Variants in RRAGD observed in about 807,000 individuals in gnomAD.
RRAGD encodes the protein ras-related GTP-binding protein D.
In RRAGD, 12 loss-of-function variants were observed where a neutral mutation model predicts 35.5. The ratio of observed to expected loss-of-function variants is 0.34; its 90% CI spans 0.22 to 0.55. RRAGD has a LOEUF of 0.55. RRAGD is among the 20% of genes least tolerant of loss of function. The pLI, the probability that RRAGD is intolerant of heterozygous loss-of-function variation, is 0.91. For missense variants in RRAGD, 324 were observed against 490.1 expected (o/e 0.66, Z 3.20); for synonymous variants, 155 against 178.9 (o/e 0.87, Z 1.07).
chr6:89,368,082 T>C lies in RRAGD; in HGVS notation c.1177A>G (p.Asn393Asp). 1.9e-6 allele frequency: 3 copies of C among 1,613,800 alleles called. No homozygotes were observed. Among genetic ancestry groups the C allele is most frequent in the Non-Finnish European group, 2.5e-6 (3 of 1,179,876 alleles). ...TACAGCAGCACTCTAGGGGTCCCAT[T>C]AGGGGTGGCTCTCTTTTTCTTCTGC... ...RLQKKKRATPNGTPRVLL is the reference protein window; with the variant it reads ...RLQKKKRATPDGTPRVLL The change falls in exon 7 of 7, where the codon AAT (asparagine) becomes GAT (aspartate). Residue 393 changes from asparagine to aspartate, a missense_variant. Transcript: ENST00000369415.
chr6:89,397,924 A>G (rs1769371543), intron 1 of RRAGD, among the ~76,000 whole-genome samples: 1 of 152,262 alleles, frequency 6.6e-6, no homozygotes. Context: ...AGGTGGGTGG[A>G]TCACCTGAGG....
intron 6 of RRAGD, among the ~76,000 whole-genome samples, chr6:89,371,896 T>G (rs1181919203): frequency 6.6e-6 from 1 of 152,222 alleles, no homozygotes; most frequent in African/African-American, 2.4e-5. Context: ...TTAAATATAT[T>G]CATGGTCTTC....
At chr6:89,397,878 G>A (rs1769369417) in intron 1 of RRAGD, among the ~76,000 whole-genome samples, 1 of 152,208 alleles carries the variant, frequency 6.6e-6, no homozygotes, top group South Asian at 2.1e-4. Flanking sequence ...TGGGCACAGT[G>A]GCTCATACCT....
Position 89,368,432 on chromosome 6 carries a change from T to C in RRAGD, c.1052-225A>G, listed in dbSNP as rs190550573. On this transcript the variant is annotated intron_variant, in intron 6 of 6. Coordinates refer to ENST00000369415, the MANE Select transcript of RRAGD (RefSeq NM_021244.5). ...AAGGAAGATTTTTCCTGATGCAAGGTTGCAGAGCATAGACCATATTTTCAA... is the reference window on the plus strand; with the variant it reads ...AAGGAAGATTTTTCCTGATGCAAGGCTGCAGAGCATAGACCATATTTTCAA... Among the ~76,000 whole-genome samples the C allele has an allele frequency of 8.5e-4, 129 of 152,302 alleles. 1 individual carries two copies. In the Middle Eastern group the frequency reaches 0.01, roughly 12 times the overall value.
At chr6:89,402,038 A>ATTGTTTTTTTTTTTT (rs1769477014) in intron 1 of RRAGD, among the ~76,000 whole-genome samples, 1 of 78,440 alleles carries the variant, frequency 1.3e-5, no homozygotes, top group Non-Finnish European at 2.2e-5. Flanking sequence ...AATCCTAAGG[A>ATTGTTTTTTTTTTTT]TTTTTTTTTT....
chr6:89,402,917 C>G (rs1383013561), intron 1 of RRAGD, among the ~76,000 whole-genome samples: 1 of 152,180 alleles, frequency 6.6e-6, no homozygotes, highest in African/African-American at 2.4e-5. Context: ...CATTTACTGA[C>G]CACCTACATA....
chr6:89,389,732 A>C (rs1320426991), intron 1 of RRAGD, among the ~76,000 whole-genome samples: 3 of 152,158 alleles, frequency 2.0e-5, no homozygotes, highest in Non-Finnish European at 4.4e-5. Context: ...ATTTCACAGG[A>C]GTAAAGGAAG....
intron 1 of RRAGD, among the ~76,000 whole-genome samples, chr6:89,401,772 C>G (rs994592700): frequency 6.6e-6 from 1 of 152,172 alleles, no homozygotes; most frequent in Non-Finnish European, 1.5e-5. Flanking sequence ...CAGGCACTAT[C>G]ACTTCCTGGG....
chr6:89,378,098 G>A (rs935923598), intron 4 of RRAGD, among the ~76,000 whole-genome samples: 3 of 152,186 alleles, frequency 2.0e-5, no homozygotes, highest in African/African-American at 7.2e-5. Context: ...GAGGCCAGGA[G>A]TTCGAAACCA....
At chr6:89,408,078 C>T (rs562056130) in intron 1 of RRAGD, among the ~76,000 whole-genome samples, 30 of 152,146 alleles carry the variant, frequency 2.0e-4, no homozygotes, top group Non-Finnish European at 4.1e-4. Flanking sequence ...TGTTCCAACT[C>T]TTCTGTATTT....
chr6:89,397,840 GT>G (rs1333188947), intron 1 of RRAGD, among the ~76,000 whole-genome samples: 1 of 152,140 alleles, frequency 6.6e-6, no homozygotes, highest in Non-Finnish European at 1.5e-5. Flanking sequence ...CGTATCAGTG[GT>G]TACCTAAGAA....
At position 89,411,007 on chromosome 6, in the gene RRAGD, A is replaced by G. The variant is rs571736910; in HGVS notation, c.148+839T>C. 2.4e-3 allele frequency among the ~76,000 whole-genome samples: 372 copies of G among 152,328 alleles called. No homozygotes were observed. Among genetic ancestry groups the G allele is most frequent in the African/African-American group, 8.6e-3 (356 of 41,572 alleles). On this transcript the variant is annotated intron_variant, in intron 1 of 6. Coordinates refer to ENST00000369415, the MANE Select transcript of RRAGD (RefSeq NM_021244.5). The surrounding 1 kb of genome is among the most constrained non-coding windows in gnomAD (Gnocchi z 5.6). ...TGCTCGCTTCTGAGGGAAACTAAAA[A>G]AAGTTTAACCTCTCTGGAATACTAA... is the stretch of plus-strand genomic sequence containing the variant.
intron 1 of RRAGD, among the ~76,000 whole-genome samples, chr6:89,403,348 A>G (rs1049921208): frequency 2.0e-5 from 3 of 151,962 alleles, no homozygotes; most frequent in Admixed American, 1.3e-4. Flanking sequence ...AGGAGGCTGA[A>G]GCAGGAGAAT....
chr6:89,372,290 T>G, intron 6 of RRAGD, 147 bp downstream of exon 6: 1 of 882,046 alleles, frequency 1.1e-6, no homozygotes, highest in Non-Finnish European at 1.7e-6. Context: ...CCCGCCCCGC[T>G]CTGAACTCCA....
At chr6:89,372,284 C>A (rs1435916532) in intron 6 of RRAGD, among the ~76,000 whole-genome samples, 153 bp downstream of exon 6, 1 of 152,258 alleles carries the variant, frequency 6.6e-6, no homozygotes, top group Non-Finnish European at 1.5e-5. Flanking sequence ...CAGGAGCCCG[C>A]CCCGCTCTGA....
intron 1 of RRAGD, among the ~76,000 whole-genome samples, chr6:89,401,349 C>T (rs760526083): frequency 1.1e-4 from 17 of 151,998 alleles, no homozygotes; most frequent in Non-Finnish European, 1.6e-4. Context: ...CCTCTTCCTC[C>T]CAGGTTCGAG....
chr6:89,377,560 T>C (rs1768969274), intron 5 of RRAGD, 111 bp downstream of exon 5: 3 of 978,328 alleles, frequency 3.1e-6, no homozygotes, highest in South Asian at 2.1e-5. Flanking sequence ...TAGATTTCAG[T>C]CATTTAAGAC....
rs1769715566 is a variant in RRAGD at position 89,412,061 on chromosome 6, G to GCCGC, written c.-72_-69dup. 7.0e-7 allele frequency: 1 copy of GCCGC among 1,421,834 alleles called. No individual in the cohort carries two copies. Among genetic ancestry groups the GCCGC allele is most frequent in the African/African-American group, 1.5e-5 (1 of 67,230 alleles). 88.1% of individuals were successfully genotyped at this position (1,421,834 alleles called of 1,614,324 possible). ...GGGTGGGGGCCAAGCCTCCTAGCCG[G>GCCGC]CCGCCCGCAGCCTATTTCTGAAGCG... On this transcript the variant is annotated 5_prime_UTR_variant, in exon 1 of 7. Coordinates refer to ENST00000369415, the MANE Select transcript of RRAGD (RefSeq NM_021244.5). This position sits in a 1 kb window ranked among gnomAD's most constrained non-coding sequence, Gnocchi z 4.2.
chr6:89,396,478 T>C (rs1769333197), intron 1 of RRAGD, among the ~76,000 whole-genome samples: 1 of 152,146 alleles, frequency 6.6e-6, no homozygotes, highest in East Asian at 1.9e-4. Context: ...CAGGCTGGAG[T>C]GCAGTGGCGC....
Sources: gnomAD v4.1 joint callset for allele counts (sites outside exome capture counted in the v4.1 genomes callset) on GRCh38, gnomAD v4.1.1 for gene constraint, Gnocchi (gnomAD v3.1) non-coding constraint, MANE v1.5 for transcripts, NCBI Gene and HGNC (gene_info 2026-07-23, HGNC 2026-07-21) for gene names.